EEPD1: variants seen among roughly 807,000 people sequenced by gnomAD.
The protein encoded by EEPD1 is endonuclease/exonuclease/phosphatase family domain-containing protein 1.
EEPD1 carries 17 observed loss-of-function variants against 46.3 expected under a neutral mutation model. That is an observed-to-expected ratio of 0.37 (90% CI 0.25 to 0.55). EEPD1 has a LOEUF of 0.55. Among genes scored for constraint, EEPD1 ranks in the 20% least tolerant of loss-of-function variants. EEPD1 has a pLI of 0.83. For synonymous variants in EEPD1, 313 were observed against 315.6 expected (o/e 0.99, Z 0.09); for missense variants, 673 against 745.6 (o/e 0.90, Z 1.13).
At chr7:36,221,201 A>T (rs1056447996) in intron 2 of EEPD1, among the ~76,000 whole-genome samples, 3 of 152,114 alleles carry the variant, frequency 2.0e-5, no homozygotes, top group Admixed American at 6.5e-5. Context: ...CTAATATGTA[A>T]TTTCTTTTCA....
chr7:36,245,078 T>C (rs983843772), intron 3 of EEPD1, among the ~76,000 whole-genome samples: 1 of 152,094 alleles, frequency 6.6e-6, no homozygotes, highest in Non-Finnish European at 1.5e-5. Flanking sequence ...CCTGAGTAGC[T>C]GGGATTACAG....
At chr7:36,206,684 A>C (rs570131164) in intron 2 of EEPD1, among the ~76,000 whole-genome samples, 1 of 152,374 alleles carries the variant, frequency 6.6e-6, no homozygotes, top group African/African-American at 2.4e-5. Flanking sequence ...ATAGGTAATA[A>C]GAATTATTTA....
intron 7 of EEPD1, among the ~76,000 whole-genome samples, chr7:36,298,522 C>G (rs113072997): frequency 6.6e-6 from 1 of 152,194 alleles, no homozygotes; most frequent in Admixed American, 6.5e-5. Flanking sequence ...TCTAAATCCT[C>G]GTTTTAAAAA....
Position 36,195,993 on chromosome 7 carries a change from C to T in EEPD1, c.878+40791C>T, listed in dbSNP as rs527814896. The stretch of plus-strand genomic sequence containing the variant: ...TTGTAGAGTCCACTACACACCTAGA[C>T]TATATATGGTATGGCCTATTGCTCC... On this transcript the variant is annotated intron_variant, in intron 2 of 7. Coordinates refer to ENST00000242108, the MANE Select transcript of EEPD1 (RefSeq NM_030636.3). Among the ~76,000 whole-genome samples, 133 of 152,256 alleles carry T rather than the reference C, an allele frequency of 8.7e-4. 1 individual carries two copies. The Middle Eastern group carries it at 0.014, about 16-fold the overall frequency.
At chr7:36,196,439 C>T (rs558640941) in intron 2 of EEPD1, among the ~76,000 whole-genome samples, 89 of 152,290 alleles carry the variant, frequency 5.8e-4, no homozygotes, top group African/African-American at 2.1e-3. Flanking sequence ...CCTCTCCTTT[C>T]CATGGTCTCC....
intron 2 of EEPD1, chr7:36,230,704 A>C (rs1786308898): frequency 6.6e-6 from 1 of 152,178 alleles, no homozygotes; most frequent in African/African-American, 2.4e-5. Flanking sequence ...GCCTCCTGAG[A>C]GTGCCCATCA....
At chr7:36,257,605 T>G (rs1786847015) in intron 3 of EEPD1, among the ~76,000 whole-genome samples, 1 of 152,236 alleles carries the variant, frequency 6.6e-6, no homozygotes, top group South Asian at 2.1e-4. Flanking sequence ...TTATTCCACT[T>G]GATCGATTTG....
At chr7:36,293,737 A>T (rs1787482906) in intron 6 of EEPD1, among the ~76,000 whole-genome samples, 1 of 152,102 alleles carries the variant, frequency 6.6e-6, no homozygotes, top group Non-Finnish European at 1.5e-5. Flanking sequence ...GCCAAGGCGG[A>T]CAGATCACCT....
chr7:36,246,687 A>C (rs1786645689), intron 3 of EEPD1, among the ~76,000 whole-genome samples: 1 of 152,028 alleles, frequency 6.6e-6, no homozygotes, highest in South Asian at 2.1e-4. Context: ...CCCTGCTGAT[A>C]GGTGTTTTTT....
intron 2 of EEPD1, among the ~76,000 whole-genome samples, chr7:36,167,912 G>T (rs367670932): frequency 6.6e-6 from 1 of 151,926 alleles, no homozygotes; most frequent in East Asian, 1.9e-4. Context: ...ATGGGGTTTC[G>T]CCACATTGGC....
chr7:36,178,069 G>C (rs1004768062), intron 2 of EEPD1, among the ~76,000 whole-genome samples: 2 of 152,180 alleles, frequency 1.3e-5, no homozygotes, highest in African/African-American at 4.8e-5. Flanking sequence ...TCTGACTTAA[G>C]GTAAGTCATT....
chr7:36,223,533 T>C, intron 2 of EEPD1, among the ~76,000 whole-genome samples: 1 of 152,300 alleles, frequency 6.6e-6, no homozygotes, highest in East Asian at 1.9e-4. Context: ...TTCCTTGCCC[T>C]ATCTCTGGTG....
chr7:36,274,025 A>G (rs1787150467), intron 3 of EEPD1, among the ~76,000 whole-genome samples: 1 of 152,208 alleles, frequency 6.6e-6, no homozygotes, highest in African/African-American at 2.4e-5. Flanking sequence ...TGAGGGTTCA[A>G]AGTGGCCCTG....
intron 2 of EEPD1, among the ~76,000 whole-genome samples, chr7:36,214,887 A>C (rs377686324): frequency 6.1e-4 from 93 of 152,242 alleles, no homozygotes; most frequent in Middle Eastern, 3.4e-3. Flanking sequence ...AAGCTGGTAT[A>C]ATTAGAGGCC....
chr7:36,294,333 T>C (rs1414659692), intron 6 of EEPD1, among the ~76,000 whole-genome samples: 1 of 151,950 alleles, frequency 6.6e-6, no homozygotes, highest in Non-Finnish European at 1.5e-5. Context: ...AGCTCAGAAA[T>C]AGAAATGTTA....
chr7:36,154,790 A>G lies in EEPD1; in HGVS notation c.466A>G (p.Lys156Glu). 2 of 1,614,144 alleles carry G rather than the reference A, an allele frequency of 1.2e-6. No homozygotes were observed. Among genetic ancestry groups the G allele is most frequent in the Non-Finnish European group, 1.7e-6 (2 of 1,180,018 alleles). The change falls in exon 2 of 8, where the codon AAA (lysine) becomes GAA (glutamate). Residue 156 changes from lysine (K) to glutamate (E), a missense_variant. Lys to Glu is a moderately conservative substitution (Grantham distance 56). Coordinates refer to ENST00000242108, the MANE Select transcript of EEPD1 (RefSeq NM_030636.3). This position sits in a 1 kb window ranked among gnomAD's most constrained non-coding sequence, Gnocchi z 4.2. ...CATGAGCGTGCGAGGCCTCTCGGAGAAAATGGCCCTCAGCATCGTGGACTT... is the reference window on the plus strand; with the variant it reads ...CATGAGCGTGCGAGGCCTCTCGGAGGAAATGGCCCTCAGCATCGTGGACTT... ...QLMSVRGLSE[K>E]MALSIVDFRR...
chr7:36,231,831 C>T (rs1786336444), intron 2 of EEPD1, among the ~76,000 whole-genome samples: 1 of 152,170 alleles, frequency 6.6e-6, no homozygotes, highest in African/African-American at 2.4e-5. Flanking sequence ...ATTGCTGCTT[C>T]ATATGTCTGA....
At chr7:36,226,554 G>A (rs1786235052) in intron 2 of EEPD1, among the ~76,000 whole-genome samples, 1 of 152,172 alleles carries the variant, frequency 6.6e-6, no homozygotes, top group African/African-American at 2.4e-5. Context: ...TCAAATGCTT[G>A]GGAAATGGAA....
chr7:36,158,012 A>T (rs966505904), intron 2 of EEPD1, among the ~76,000 whole-genome samples: 1 of 152,240 alleles, frequency 6.6e-6, no homozygotes, highest in African/African-American at 2.4e-5. Flanking sequence ...TACCTGTAAT[A>T]AAAGAGTTTC....
Sources: allele counts gnomAD v4.1 joint callset (sites outside exome capture counted in the v4.1 genomes callset), GRCh38; gene constraint gnomAD v4.1.1; non-coding constraint Gnocchi (gnomAD v3.1); transcripts MANE v1.5; gene names NCBI Gene and HGNC (gene_info 2026-07-23, HGNC 2026-07-21).